The following ABTB3 variants were observed in gnomAD, a reference collection of about 807,000 sequenced individuals.
The protein encoded by ABTB3 is ankyrin repeat- and BTB/POZ domain-containing protein 3.
At chr12:107,629,755 T>C in the ABTB3 span, among the ~76,000 whole-genome samples, 1 of 152,072 alleles carries the variant, frequency 6.6e-6, no homozygotes, top group African/African-American at 2.4e-5. Context: ...GCTCAGAGAA[T>C]CCAGGCATCT....
At chr12:107,337,801 TG>T in the ABTB3 span, among the ~76,000 whole-genome samples, 2,302 of 152,300 alleles carry the variant, frequency 0.015, 32 homozygotes, top group Non-Finnish European at 0.026. Flanking sequence ...GTCAATTCCA[TG>T]GGGGAAAATC....
chr12:107,418,010 T>A, the ABTB3 span, among the ~76,000 whole-genome samples: 2,967 of 152,312 alleles, frequency 0.019, 102 homozygotes, highest in African/African-American at 0.067. Context: ...AACTAGCAGC[T>A]GTGTGATGGT....
the ABTB3 span, among the ~76,000 whole-genome samples, chr12:107,438,850 G>GT: frequency 1.3e-5 from 2 of 152,134 alleles, no homozygotes. Flanking sequence ...TCTCTTGGGG[G>GT]GAAGTTGCTC....
chr12:107,328,774 C>T, the ABTB3 span, among the ~76,000 whole-genome samples: 3 of 152,316 alleles, frequency 2.0e-5, no homozygotes, highest in South Asian at 2.1e-4. Context: ...GCTGAACTGC[C>T]GCAGCCCAGT....
chr12:107,505,993 A>G, the ABTB3 span, among the ~76,000 whole-genome samples: 1 of 152,184 alleles, frequency 6.6e-6, no homozygotes, highest in South Asian at 2.1e-4. Flanking sequence ...TGCAGTGGAC[A>G]TATGCATGCA....
At chr12:107,530,436 T>A in the ABTB3 span, among the ~76,000 whole-genome samples, 1 of 152,322 alleles carries the variant, frequency 6.6e-6, no homozygotes, top group African/African-American at 2.4e-5. Flanking sequence ...AAGTAGCACA[T>A]GCCATAATTC....
the ABTB3 span, among the ~76,000 whole-genome samples, chr12:107,582,617 T>A: frequency 6.6e-6 from 1 of 152,176 alleles, no homozygotes; most frequent in African/African-American, 2.4e-5. Flanking sequence ...ACAAAAGATT[T>A]CTCTCTTTTA....
chr12:107,581,399 G>A, the ABTB3 span: 1 of 1,090,296 alleles, frequency 9.2e-7, no homozygotes, highest in Non-Finnish European at 1.2e-6. Context: ...GGCGGCCTGA[G>A]CCCCGCACAC....
chr12:107,654,109 G>T, the ABTB3 span, among the ~76,000 whole-genome samples: 28,439 of 152,116 alleles, frequency 0.19, 3,582 homozygotes, highest in East Asian at 0.53. Flanking sequence ...ATAGTAGCAC[G>T]TGTCAGAATT....
the ABTB3 span, among the ~76,000 whole-genome samples, chr12:107,480,700 C>T: frequency 4.6e-5 from 7 of 152,000 alleles, no homozygotes; most frequent in African/African-American, 1.5e-4. Context: ...GTATGCAGAA[C>T]GATGTGTGTG....
the ABTB3 span, among the ~76,000 whole-genome samples, chr12:107,599,748 A>G: frequency 5.3e-5 from 8 of 152,122 alleles, no homozygotes; most frequent in African/African-American, 1.9e-4. Context: ...TGCCTGGCCG[A>G]TACTGGAGCC....
At chr12:107,450,476 G>A in the ABTB3 span, among the ~76,000 whole-genome samples, 4 of 152,170 alleles carry the variant, frequency 2.6e-5, no homozygotes, top group Admixed American at 6.5e-5. Context: ...GGGGGCTTGG[G>A]TCCTGGCAAC....
the ABTB3 span, among the ~76,000 whole-genome samples, chr12:107,598,925 T>C: frequency 6.6e-6 from 1 of 152,348 alleles, no homozygotes; most frequent in African/African-American, 2.4e-5. Flanking sequence ...TTCAGAACTG[T>C]TCTCAAGGGT....
chr12:107,632,750 C>T, the ABTB3 span, among the ~76,000 whole-genome samples: 3 of 152,190 alleles, frequency 2.0e-5, no homozygotes, highest in South Asian at 6.2e-4. Context: ...TTTCTGGGGG[C>T]TTTGGGGAAG....
the ABTB3 span, among the ~76,000 whole-genome samples, chr12:107,482,938 T>A: frequency 5.4e-5 from 1 of 18,454 alleles, no homozygotes; most frequent in African/African-American, 1.9e-4. Flanking sequence ...CTTTCTTTCT[T>A]TCTTTCTTTC....
At chr12:107,615,558 T>C in the ABTB3 span, among the ~76,000 whole-genome samples, 12 of 152,138 alleles carry the variant, frequency 7.9e-5, no homozygotes, top group Non-Finnish European at 1.8e-4. Flanking sequence ...GTAGAATCCA[T>C]TGGTTTCCAG....
the ABTB3 span, among the ~76,000 whole-genome samples, chr12:107,351,812 T>A: frequency 6.6e-6 from 1 of 152,138 alleles, no homozygotes; most frequent in African/African-American, 2.4e-5. Flanking sequence ...CAAAACAGAC[T>A]AAGACACACC....
At chr12:107,635,683 G>A in the ABTB3 span, among the ~76,000 whole-genome samples, 1 of 152,052 alleles carries the variant, frequency 6.6e-6, no homozygotes. Context: ...CCACACAGGT[G>A]GCTCCTGAAA....
the ABTB3 span, among the ~76,000 whole-genome samples, chr12:107,563,412 C>T: frequency 6.6e-6 from 1 of 152,138 alleles, no homozygotes; most frequent in African/African-American, 2.4e-5. Flanking sequence ...AGCTTCTGCT[C>T]TTATGAAGCT....
Sources: allele counts gnomAD v4.1 joint callset (sites outside exome capture counted in the v4.1 genomes callset), GRCh38; gene constraint gnomAD v4.1.1; transcripts MANE v1.5; gene names NCBI Gene and HGNC (gene_info 2026-07-23, HGNC 2026-07-21).